BANK1: variants seen among roughly 807,000 people sequenced by gnomAD.
BANK1 encodes the protein B cell scaffold protein with ankyrin repeats 1.
A neutral mutation model predicts 94.5 loss-of-function variants in BANK1; 95 were observed. The observed-to-expected ratio is 1.00, with a 90% CI of 0.85 to 1.19. The LOEUF is 1.19. Among genes scored for constraint, BANK1 ranks in the 50% most tolerant of loss-of-function variants. BANK1 has a pLI of 0.00. For missense variants in BANK1, 987 were observed against 932.2 expected (o/e 1.06, Z -0.77); for synonymous variants, 334 against 308.4 (o/e 1.08, Z -0.87).
intron 6 of BANK1, among the ~76,000 whole-genome samples, chr4:101,899,577 C>G (rs1002285094): frequency 1.3e-5 from 2 of 152,096 alleles, no homozygotes; most frequent in Non-Finnish European, 2.9e-5. Context: ...CAAAATTATA[C>G]TATTGTTATT....
At chr4:101,792,471 T>G (rs111537022) in intron 1 of BANK1, among the ~76,000 whole-genome samples, 4,194 of 46,618 alleles carry the variant, frequency 0.09, 151 homozygotes, top group African/African-American at 0.15. Context: ...GTGTGTGTGT[T>G]TTTTTTTTTT....
At chr4:101,849,427 T>C (rs1002523205) in intron 2 of BANK1, among the ~76,000 whole-genome samples, 4 of 152,260 alleles carry the variant, frequency 2.6e-5, no homozygotes, top group African/African-American at 9.6e-5. Flanking sequence ...CCAACCTGAA[T>C]GCCCAATACA....
intron 7 of BANK1, among the ~76,000 whole-genome samples, chr4:101,935,862 T>C (rs540707732): frequency 6.6e-6 from 1 of 151,584 alleles, no homozygotes; most frequent in South Asian, 2.1e-4. Context: ...GATATTCATA[T>C]GCAGAAGAAT....
At chr4:101,916,471 T>C (rs1332362825) in intron 6 of BANK1, among the ~76,000 whole-genome samples, 1 of 152,040 alleles carries the variant, frequency 6.6e-6, no homozygotes, top group African/African-American at 2.4e-5. Flanking sequence ...GCTTATATTC[T>C]AAACTTGAGT....
intron 13 of BANK1, among the ~76,000 whole-genome samples, chr4:102,066,556 C>CAAT (rs1440155207): frequency 6.6e-6 from 1 of 151,984 alleles, no homozygotes; most frequent in Non-Finnish European, 1.5e-5. Flanking sequence ...TGCGACCAGC[C>CAAT]AATAACATCT....
chr4:102,003,634 T>G (rs934538231), intron 7 of BANK1, among the ~76,000 whole-genome samples: 3 of 152,170 alleles, frequency 2.0e-5, no homozygotes, highest in Non-Finnish European at 4.4e-5. Flanking sequence ...ACTTGTGCCC[T>G]TTTTTTAGTC....
intron 5 of BANK1, among the ~76,000 whole-genome samples, chr4:101,871,640 G>A (rs1005409212): frequency 3.3e-5 from 5 of 152,114 alleles, no homozygotes; most frequent in Admixed American, 1.3e-4. Flanking sequence ...GAGGACATTT[G>A]ACAAAATGTC....
chr4:101,996,028 A>G (rs745777644), intron 7 of BANK1, among the ~76,000 whole-genome samples: 8 of 152,004 alleles, frequency 5.3e-5, no homozygotes, highest in Non-Finnish European at 1.0e-4. Flanking sequence ...GCCCATACCT[A>G]TGTCCTGCAG....
intron 7 of BANK1, among the ~76,000 whole-genome samples, chr4:101,966,592 T>C (rs4698985): frequency 0.44 from 66,543 of 151,826 alleles, 14,782 homozygotes; most frequent in South Asian, 0.53. Flanking sequence ...TCAAAGATAA[T>C]TAATTAGACT....
chr4:101,807,296 T>C (rs919465972), intron 1 of BANK1, among the ~76,000 whole-genome samples: 2 of 152,154 alleles, frequency 1.3e-5, no homozygotes, highest in Non-Finnish European at 2.9e-5. Flanking sequence ...CTGCCGTAGA[T>C]AAGAAAATCA....
chr4:101,918,212 A>G (rs1722891801), intron 7 of BANK1, 23 bp downstream of exon 7: 15 of 1,453,906 alleles, frequency 1.0e-5, no homozygotes, highest in Non-Finnish European at 1.3e-5. Context: ...TTTAAATTAT[A>G]TCTCTGTATA....
chr4:102,012,672 G>A (rs1004196246), intron 7 of BANK1, among the ~76,000 whole-genome samples: 5 of 152,112 alleles, frequency 3.3e-5, no homozygotes, highest in Admixed American at 3.3e-4. Context: ...GATTTCAGAA[G>A]TTGCTTGCTC....
chr4:102,057,466 C>T (rs752333573), intron 11 of BANK1, among the ~76,000 whole-genome samples: 1 of 152,022 alleles, frequency 6.6e-6, no homozygotes, highest in Non-Finnish European at 1.5e-5. Context: ...TCAAGCAATC[C>T]TCCCACCTCA....
At chr4:101,816,160 C>T (rs1725907963) in intron 1 of BANK1, among the ~76,000 whole-genome samples, 1 of 152,002 alleles carries the variant, frequency 6.6e-6, no homozygotes, top group African/African-American at 2.4e-5. Flanking sequence ...TGTTGATCAC[C>T]GATGTGGTCA....
At chr4:101,897,867 C>T (rs899770412) in intron 6 of BANK1, among the ~76,000 whole-genome samples, 8 of 150,880 alleles carry the variant, frequency 5.3e-5, no homozygotes, top group South Asian at 4.2e-4. Flanking sequence ...AATTTTGACA[C>T]AGAAAAAAAT....
chr4:102,046,583 C>T (rs1218278844), intron 11 of BANK1, among the ~76,000 whole-genome samples: 1 of 152,104 alleles, frequency 6.6e-6, no homozygotes, highest in Non-Finnish European at 1.5e-5. Context: ...AAGGGGCTAG[C>T]ATGAGTTTTC....
chr4:101,864,449 A>G (rs1727994516), intron 4 of BANK1, among the ~76,000 whole-genome samples: 1 of 152,248 alleles, frequency 6.6e-6, no homozygotes, highest in African/African-American at 2.4e-5. Context: ...AGTAATATTT[A>G]GATGAATGGT....
In BANK1 at chr4:101,848,339, T is replaced by G. The variant is rs144328272; in HGVS notation, c.470-6696T>G. 5.3e-5 allele frequency among the ~76,000 whole-genome samples: 8 copies of G among 152,314 alleles called. No homozygotes were observed. In the East Asian group the frequency reaches 1.5e-3, roughly 29 times the overall value. The stretch of plus-strand genomic sequence containing the variant: ...CAATGCGAGCCCCCGCTTGCTGCTC[T>G]GTCTGGAGTTGCACTCTAGTCCTGC... On this transcript the variant is annotated intron_variant, in intron 2 of 16. Transcript: ENST00000322953.
In BANK1 at chr4:101,829,913, T is replaced by C; in HGVS notation, c.176T>C (p.Leu59Ser). 1.2e-6 allele frequency: 2 copies of C among 1,613,964 alleles called. No homozygotes were observed. The highest frequency in any genetic ancestry group is 1.7e-6 in the Non-Finnish European group (2 of 1,179,918). ...LHVVKREAIL[L>S]YRLENFSFRH... ...GTTGTGAAAAGGGAAGCCATCCTGT[T>C]ATATCGCTTGGAGAATTTCTCTTTT... Residue 59 changes from leucine (L) to serine (S), a missense_variant, in exon 2 of 17, where the codon TTA becomes TCA. By Grantham distance (145) the Leu-to-Ser change is moderately radical. Coordinates refer to ENST00000322953, the MANE Select transcript of BANK1 (RefSeq NM_017935.5).
Sources: allele counts gnomAD v4.1 joint callset (sites outside exome capture counted in the v4.1 genomes callset), GRCh38; gene constraint gnomAD v4.1.1; transcripts MANE v1.5; gene names NCBI Gene and HGNC (gene_info 2026-07-23, HGNC 2026-07-21).